Variants in CPED1 observed in about 807,000 individuals in gnomAD.
CPED1 encodes cadherin-like and PC-esterase domain-containing protein 1.
A neutral mutation model predicts 128.2 loss-of-function variants in CPED1; 114 were observed. That is an observed-to-expected ratio of 0.89 (90% CI 0.76 to 1.04). The LOEUF (loss-of-function observed/expected upper bound fraction) is 1.04. Ranked by LOEUF, CPED1 falls within the 50% of genes least tolerant of loss-of-function variation. CPED1 has a pLI of 0.00. For synonymous variants in CPED1, 462 were observed against 426.7 expected, an observed-to-expected ratio of 1.08 and a Z score of -1.02; for missense variants, 1,211 against 1,207.1, an observed-to-expected ratio of 1.00 and a Z score of -0.05.
At chr7:121,256,775 A>G (rs774783001) in intron 18 of CPED1, among the ~76,000 whole-genome samples, 5 of 152,090 alleles carry the variant, frequency 3.3e-5, no homozygotes, top group Admixed American at 6.6e-5. Flanking sequence ...TCGTATGTTC[A>G]TCACCACACT....
At chr7:121,251,360 T>C (rs1473705713) in intron 18 of CPED1, among the ~76,000 whole-genome samples, 2 of 152,142 alleles carry the variant, frequency 1.3e-5, no homozygotes, top group Non-Finnish European at 2.9e-5. Flanking sequence ...GCCAATATCA[T>C]ACTGAATGGA....
At chr7:121,090,393 T>G (rs1211223957) in intron 5 of CPED1, among the ~76,000 whole-genome samples, 2 of 152,232 alleles carry the variant, frequency 1.3e-5, no homozygotes. Flanking sequence ...AATACCATAC[T>G]ATTCGTATTT....
At chr7:121,207,457 T>C (rs1220343293) in intron 16 of CPED1, among the ~76,000 whole-genome samples, 1 of 152,010 alleles carries the variant, frequency 6.6e-6, no homozygotes, top group African/African-American at 2.4e-5. Flanking sequence ...TGACAAAAAT[T>C]GCACAGGGAA....
chr7:121,033,052 T>A (rs1264422326), intron 3 of CPED1, among the ~76,000 whole-genome samples: 3 of 152,182 alleles, frequency 2.0e-5, no homozygotes, highest in African/African-American at 7.2e-5. Flanking sequence ...TCCTCCATCA[T>A]ATTTCAGGGC....
chr7:121,268,266 C>T (rs1792168708), intron 21 of CPED1, among the ~76,000 whole-genome samples: 1 of 152,100 alleles, frequency 6.6e-6, no homozygotes, highest in Admixed American at 6.6e-5. Flanking sequence ...AGTAGCTCCA[C>T]TGTGCCCCTT....
intron 16 of CPED1, among the ~76,000 whole-genome samples, chr7:121,219,112 A>T (rs1417706079): frequency 1.3e-5 from 2 of 152,088 alleles, no homozygotes; most frequent in Non-Finnish European, 2.9e-5. Flanking sequence ...TGAATGTTGT[A>T]TCTAAGCATA....
At chr7:121,050,631 T>C (rs993188102) in intron 4 of CPED1, among the ~76,000 whole-genome samples, 2 of 151,996 alleles carry the variant, frequency 1.3e-5, no homozygotes, top group Non-Finnish European at 2.9e-5. Context: ...ACCCAGCTAA[T>C]TTTTTGTATT....
At chr7:121,255,754 A>G (rs889651724) in intron 18 of CPED1, among the ~76,000 whole-genome samples, 2 of 152,078 alleles carry the variant, frequency 1.3e-5, no homozygotes, top group Non-Finnish European at 2.9e-5. Context: ...TAGCATTTCT[A>G]TACACCAATA....
Position 121,067,649 on chromosome 7 carries a change from G to A in CPED1, c.616+3336G>A, listed in dbSNP as rs538549511. 1.8e-3 allele frequency among the ~76,000 whole-genome samples: 277 copies of A among 152,172 alleles called. 2 individuals carry two copies. The highest frequency in any genetic ancestry group is 2.0e-3 in the Non-Finnish European group (136 of 67,982). Reference sequence around the variant, plus strand: ...TACCCAGTAATGGGATGGCTGGGTCGAATGGTATTTCTAGTTCTAGATCCC... The same window carrying A: ...TACCCAGTAATGGGATGGCTGGGTCAAATGGTATTTCTAGTTCTAGATCCC... On this transcript the variant is annotated intron_variant, in intron 5 of 22. Transcript: ENST00000310396.
intron 11 of CPED1, 72 bp from the exon 12 acceptor site, chr7:121,130,053 A>C: frequency 8.4e-7 from 1 of 1,190,788 alleles, no homozygotes; most frequent in Non-Finnish European, 1.2e-6. Flanking sequence ...ATGACTAAGT[A>C]TAAGGCTGTT....
chr7:121,043,920 T>G (rs996560091), intron 3 of CPED1, among the ~76,000 whole-genome samples: 1 of 152,242 alleles, frequency 6.6e-6, no homozygotes, highest in Non-Finnish European at 1.5e-5. Flanking sequence ...TTGCAATCTC[T>G]GCTGGAGACC....
intron 7 of CPED1, among the ~76,000 whole-genome samples, chr7:121,104,196 T>C (rs890910355): frequency 1.3e-5 from 2 of 152,164 alleles, no homozygotes; most frequent in African/African-American, 4.8e-5. Context: ...ATAATAAATC[T>C]AATTTTAAGA....
chr7:121,267,353 C>T (rs1475536833), intron 21 of CPED1, 51 bp downstream of exon 21: 2 of 1,100,938 alleles, frequency 1.8e-6, no homozygotes, highest in Non-Finnish European at 2.6e-6. Context: ...CTATAAGGAT[C>T]CCTGCTGGAA....
intron 21 of CPED1, among the ~76,000 whole-genome samples, chr7:121,267,760 C>T (rs1056952474): frequency 5.3e-5 from 8 of 151,978 alleles, no homozygotes; most frequent in East Asian, 1.9e-4. Context: ...TCTGTAGGGA[C>T]GAGAACCAGC....
chr7:121,059,931 G>C (rs995935630), intron 4 of CPED1, among the ~76,000 whole-genome samples: 22 of 152,242 alleles, frequency 1.4e-4, no homozygotes, highest in African/African-American at 5.3e-4. Context: ...GGCTGGCCAA[G>C]ACCGGAGCCG....
intron 3 of CPED1, among the ~76,000 whole-genome samples, chr7:121,033,690 T>C (rs1792799462): frequency 6.6e-6 from 1 of 152,216 alleles, no homozygotes. Context: ...AGTAATGTTA[T>C]GGTTGGGTTC....
At chr7:121,123,732 A>T (rs1795439738) in intron 7 of CPED1, among the ~76,000 whole-genome samples, 1 of 152,194 alleles carries the variant, frequency 6.6e-6, no homozygotes, top group Non-Finnish European at 1.5e-5. Flanking sequence ...TAAGAATTAA[A>T]ACATTAACAG....
At chr7:121,203,160 T>C (rs900174876) in intron 16 of CPED1, among the ~76,000 whole-genome samples, 1 of 152,068 alleles carries the variant, frequency 6.6e-6, no homozygotes, top group Admixed American at 6.6e-5. Context: ...CTCAACAGAT[T>C]GTTAAGAAGA....
At chr7:121,186,174 G>A (rs1477915437) in intron 16 of CPED1, among the ~76,000 whole-genome samples, 1 of 152,158 alleles carries the variant, frequency 6.6e-6, no homozygotes, top group Non-Finnish European at 1.5e-5. Context: ...TGAGCAGATA[G>A]GGAGACAAAC....
Sources: gnomAD v4.1 joint callset for allele counts (sites outside exome capture counted in the v4.1 genomes callset) on GRCh38, gnomAD v4.1.1 for gene constraint, MANE v1.5 for transcripts, NCBI Gene and HGNC (gene_info 2026-07-23, HGNC 2026-07-21) for gene names.